ANO7: variants seen among roughly 807,000 people sequenced by gnomAD.
ANO7 encodes anoctamin 7.
ANO7 carries 114 observed loss-of-function variants against 115.8 expected under a neutral mutation model. That is an observed-to-expected ratio of 0.98 (90% CI 0.85 to 1.15). The LOEUF is 1.15. Ranked by LOEUF, ANO7 falls within the 50% of genes most tolerant of loss-of-function variation. The pLI, the probability that ANO7 is intolerant of heterozygous loss-of-function variation, is 0.00. For synonymous variants in ANO7, 550 were observed against 498.2 expected (o/e 1.10, Z -1.38); for missense variants, 1,302 against 1,201.2 (o/e 1.08, Z -1.24).
chr2:241,200,437 AC>A (rs905221331), intron 6 of ANO7, among the ~76,000 whole-genome samples: 6 of 152,018 alleles, frequency 3.9e-5, no homozygotes, highest in African/African-American at 4.8e-5. Context: ...AGGACAGATA[AC>A]CCCCCCAAGG....
At chr2:241,234,504 G>A in the ANO7 span, among the ~76,000 whole-genome samples, 13 of 152,194 alleles carry the variant, frequency 8.5e-5, no homozygotes, top group African/African-American at 2.2e-4. Context: ...CAGACTCGAC[G>A]TGCTCACGGG....
the ANO7 span, chr2:241,239,834 A>G: frequency 6.2e-7 from 1 of 1,612,354 alleles, no homozygotes; most frequent in Non-Finnish European, 8.5e-7. The surrounding 1 kb of genome is among the most constrained non-coding windows in gnomAD (Gnocchi z 4.6). Flanking sequence ...CAGTGTTAAG[A>G]AGAGATGGAA....
intron 5 of ANO7, among the ~76,000 whole-genome samples, chr2:241,199,780 G>T (rs1021068720): frequency 1.3e-5 from 2 of 152,208 alleles, no homozygotes; most frequent in African/African-American, 4.8e-5. Context: ...ACGTGGGTCC[G>T]CCTCCCACCG....
In ANO7 at chr2:241,218,240, C is replaced by G; in HGVS notation, c.2180C>G (p.Ala727Gly). 3 of 1,504,174 alleles carry G rather than the reference C, an allele frequency of 2.0e-6. No individual in the cohort carries two copies. Among genetic ancestry groups the G allele is most frequent in the Non-Finnish European group, 2.6e-6 (3 of 1,132,734 alleles). The allele number at this position is 1,504,174 out of a possible 1,614,324, so 93.2% of individuals were successfully genotyped here. A position where few individuals can be genotyped will look rare whatever the true frequency, so the allele number is the denominator to read the frequency against. Residue 727 changes from alanine to glycine, a missense_variant and splice_region_variant, in exon 21 of 25, where the codon GCC (alanine) becomes GGC (glycine). Transcript: ENST00000674324. Reference sequence around the variant, plus strand: ...CGCGCTGACCCCTCCGGCGCCCAGGCCTTCCTCCTGGCCTTCTCGTCCGAC... The same window carrying G: ...CGCGCTGACCCCTCCGGCGCCCAGGGCTTCCTCCTGGCCTTCTCGTCCGAC... ...GLTHLAVISN[A>G]FLLAFSSDFL...
chr2:241,200,176 GT>G lies in ANO7; in HGVS notation c.506del (p.Val169AspfsTer12). 1 of 1,613,102 alleles carries G rather than the reference GT, an allele frequency of 6.2e-7. No individual in the cohort carries two copies. Among genetic ancestry groups the G allele is most frequent in the Non-Finnish European group, 8.5e-7 (1 of 1,179,998 alleles). On this transcript the variant is annotated frameshift_variant, in exon 6 of 25. Coordinates refer to ENST00000674324, the MANE Select transcript of ANO7 (RefSeq NM_001370694.2). LOFTEE classifies it high-confidence loss of function. ...CGTCCTGCTGGAGGTTGTGCCAGAC[GT>G]ACCCCCCGAGTACTACTCCTGCCGG... ...PNVLLEVVPD[V>X]PPEYYSCRFR... is the part of the protein sequence containing the mutation.
chr2:241,230,313 G>A (rs771401570), downstream of ANO7: 5 of 1,164,522 alleles, frequency 4.3e-6, no homozygotes, highest in Admixed American at 2.3e-5. This position sits in a 1 kb window ranked among gnomAD's most constrained non-coding sequence, Gnocchi z 5.0. Context: ...TCCAAGCGAG[G>A]AAAAGGGTTA....
At chr2:241,222,635 AT>A (rs2069052755) in intron 21 of ANO7, among the ~76,000 whole-genome samples, 1 of 152,004 alleles carries the variant, frequency 6.6e-6, no homozygotes, top group African/African-American at 2.4e-5. Flanking sequence ...AATAGTTTTC[AT>A]GGAGTGCAAC....
intron 21 of ANO7, among the ~76,000 whole-genome samples, chr2:241,221,491 T>C (rs1170755448): frequency 5.3e-5 from 8 of 152,122 alleles, no homozygotes; most frequent in African/African-American, 1.7e-4. Context: ...TGCATCAGCC[T>C]GCCAAGTAGC....
In ANO7 at chr2:241,191,231, G is replaced by C; in HGVS notation, c.146G>C (p.Ser49Thr). 1 of 1,613,832 alleles carries C rather than the reference G, an allele frequency of 6.2e-7. No homozygotes were observed. Among genetic ancestry groups the C allele is most frequent in the Non-Finnish European group, 8.5e-7 (1 of 1,179,952 alleles). ...CAAGCGGCCGCCTGCAGAGCTGGGA[G>C]TCCTGCCAAGCCCCGGATCGGTGAG... is the stretch of plus-strand genomic sequence containing the variant. ...GQQAAACRAG[S>T]PAKPRIADFV... The change falls in exon 3 of 25, where the codon AGT becomes ACT. Residue 49 changes from serine (S) to threonine (T), a missense_variant. Transcript: ENST00000674324.
At chr2:241,232,816 C>CA in the ANO7 span, among the ~76,000 whole-genome samples, 11 of 151,068 alleles carry the variant, frequency 7.3e-5, no homozygotes, top group African/African-American at 1.7e-4. Context: ...CTATCTCTCT[C>CA]AAAAAAAAGA....
chr2:241,232,940 T>C, the ANO7 span, among the ~76,000 whole-genome samples: 3 of 151,378 alleles, frequency 2.0e-5, no homozygotes, highest in Non-Finnish European at 4.4e-5. Flanking sequence ...GGCTGGTGTG[T>C]GTGTGACTCA....
intron 11 of ANO7, among the ~76,000 whole-genome samples, chr2:241,208,785 TGTGG>T (rs1192876072): frequency 1.3e-5 from 2 of 152,088 alleles, no homozygotes. Flanking sequence ...CAAAGTCAGG[TGTGG>T]GTGAGACCTG....
intron 21 of ANO7, among the ~76,000 whole-genome samples, chr2:241,218,673 TA>T (rs1178910171): frequency 6.6e-6 from 1 of 152,192 alleles, no homozygotes; most frequent in African/African-American, 2.4e-5. Context: ...GACACCGGAT[TA>T]AAGAAGGAAG....
chr2:241,218,333 TG>T lies in ANO7; in HGVS notation c.2275del (p.Ala759ArgfsTer71). The T allele has an allele frequency of 1.3e-6, 2 of 1,504,164 alleles. No individual in the cohort carries two copies. Among genetic ancestry groups the T allele is most frequent in the Non-Finnish European group, 1.8e-6 (2 of 1,132,760 alleles). The allele number at this position is 1,504,164 out of a possible 1,614,324, so 93.2% of individuals were successfully genotyped here. A position where few individuals can be genotyped will look rare whatever the true frequency, so the allele number is the denominator to read the frequency against. On this transcript the variant is annotated frameshift_variant, in exon 21 of 25. Transcript: ENST00000674324. LOFTEE classifies it high-confidence loss of function. ...HDLRGFLNFTLARAPSSFAAA... is the reference protein window; with the variant it reads ...HDLRGFLNFTXARAPSSFAAA... ...CTGCGCGGCTTCCTCAACTTCACGC[TG>T]GCGCGAGCCCCGTCCTCCTTCGCCG...
the ANO7 span, among the ~76,000 whole-genome samples, chr2:241,232,854 A>G: frequency 7.1e-6 from 1 of 141,732 alleles, no homozygotes; most frequent in Non-Finnish European, 1.6e-5. Context: ...AAGACTAAAA[A>G]TTAAAAAATG....
At chr2:241,219,604 G>C (rs1452630097) in intron 21 of ANO7, among the ~76,000 whole-genome samples, 1 of 150,212 alleles carries the variant, frequency 6.7e-6, no homozygotes, top group Non-Finnish European at 1.5e-5. Flanking sequence ...GTCTTGCTCT[G>C]TATCCCATTC....
At chr2:241,213,337 G>T (rs985166617) in intron 17 of ANO7, among the ~76,000 whole-genome samples, 1 of 152,268 alleles carries the variant, frequency 6.6e-6, no homozygotes, top group Non-Finnish European at 1.5e-5. Context: ...CATCAGCACA[G>T]TGGGCTCTGC....
rs932077555 is a variant in ANO7 at position 241,224,502 on chromosome 2, C to T, written c.*349C>T. ...TCAGGCAGGTGGGCTTTGTGGTCCT[C>T]GCCGCCCCTGGCCACATCGCCCTCT... On this transcript the variant is annotated 3_prime_UTR_variant, in exon 25 of 25. Transcript: ENST00000674324. 3.1e-5 allele frequency: 10 copies of T among 317,530 alleles called. No homozygotes were observed. Among genetic ancestry groups the T allele is most frequent in the Admixed American group, 4.6e-5 (1 of 21,816 alleles). The allele number at this position is 317,530 out of a possible 1,614,324, so 19.7% of individuals were successfully genotyped here. A position where few individuals can be genotyped will look rare whatever the true frequency, so the allele number is the denominator to read the frequency against.
intron 20 of ANO7, 31 bp downstream of exon 20, chr2:241,217,922 C>A: frequency 3.7e-6 from 2 of 534,474 alleles, no homozygotes; most frequent in Non-Finnish European, 5.4e-6. Flanking sequence ...CGGGGCGGGG[C>A]GGGGGCGCGC....
Sources: gnomAD v4.1 joint callset for allele counts (sites outside exome capture counted in the v4.1 genomes callset) on GRCh38, gnomAD v4.1.1 for gene constraint, Gnocchi (gnomAD v3.1) non-coding constraint, MANE v1.5 for transcripts, NCBI Gene and HGNC (gene_info 2026-07-23, HGNC 2026-07-21) for gene names.